The following IGSF10 variants were observed in gnomAD, a reference collection of about 807,000 sequenced individuals.
The protein encoded by IGSF10 is calvaria mechanical force protein 608.
In IGSF10, 126 loss-of-function variants were observed where a neutral mutation model predicts 128.2. The ratio of observed to expected loss-of-function variants is 0.98; its 90% CI spans 0.85 to 1.14. The LOEUF is 1.14. IGSF10 is among the 50% of genes most tolerant of loss of function. IGSF10 has a pLI of 0.00. For missense variants in IGSF10, 3,295 were observed against 3,149.8 expected (o/e 1.05, Z -1.10); for synonymous variants, 1,185 against 1,146.2 (o/e 1.03, Z -0.68).
the IGSF10 span, among the ~76,000 whole-genome samples, chr3:151,533,269 C>G: frequency 6.6e-6 from 1 of 152,208 alleles, no homozygotes; most frequent in African/African-American, 2.4e-5. Flanking sequence ...CTATCCCCAT[C>G]AAGCTACCAC....
the IGSF10 span, among the ~76,000 whole-genome samples, chr3:151,592,893 G>A: frequency 6.6e-6 from 1 of 151,930 alleles, no homozygotes; most frequent in African/African-American, 2.4e-5. Flanking sequence ...TAATGTTTGG[G>A]TATTGCAATA....
chr3:151,452,147 C>T (rs1471467974), intron 5 of IGSF10, among the ~76,000 whole-genome samples: 4 of 152,204 alleles, frequency 2.6e-5, no homozygotes, highest in Non-Finnish European at 5.9e-5. Context: ...AAAAGGATAA[C>T]ACTTGATTAT....
the IGSF10 span, among the ~76,000 whole-genome samples, chr3:151,578,467 G>A: frequency 4.2e-4 from 64 of 152,284 alleles, no homozygotes; most frequent in Non-Finnish European, 1.0e-4. Flanking sequence ...ATAGTTTACT[G>A]ACTTCTAACA....
the IGSF10 span, among the ~76,000 whole-genome samples, chr3:151,467,799 G>A: frequency 6.6e-6 from 1 of 151,726 alleles, no homozygotes; most frequent in Non-Finnish European, 1.5e-5. Flanking sequence ...CAGGAGAATG[G>A]CGTGAACCCC....
the IGSF10 span, among the ~76,000 whole-genome samples, chr3:151,617,260 C>CTTCTTCT: frequency 3.1e-3 from 171 of 55,644 alleles, 1 homozygote; most frequent in African/African-American, 3.2e-3. Context: ...TCTTCTCCTT[C>CTTCTTCT]TCTTCTTCTT....
At chr3:151,544,785 C>T in the IGSF10 span, among the ~76,000 whole-genome samples, 1 of 151,230 alleles carries the variant, frequency 6.6e-6, no homozygotes, top group Non-Finnish European at 1.5e-5. Flanking sequence ...ATAGGCCCTT[C>T]AATCTGAAGA....
chr3:151,443,496 A>C lies in IGSF10; in HGVS notation c.5451T>G (p.Phe1817Leu). Reference protein sequence around the residue: ...LHNLSIYDRGFYKCVASNPGG... With the variant: ...LHNLSIYDRGLYKCVASNPGG... ...CTGGGTTGCTGGCCACACATTTGTA[A>C]AAGCCACGGTCATAAATACTGAGAT... Residue 1817 changes from phenylalanine to leucine, a missense_variant, in exon 7 of 8, where the codon TTT becomes TTG. Physicochemically the swap from Phe to Leu is conservative, Grantham distance 22. Transcript: ENST00000282466. The C allele has an allele frequency of 6.2e-7, 1 of 1,614,192 alleles. No homozygotes were observed. Among genetic ancestry groups the C allele is most frequent in the Non-Finnish European group, 8.5e-7 (1 of 1,180,032 alleles).
the IGSF10 span, among the ~76,000 whole-genome samples, chr3:151,513,008 G>C: frequency 6.6e-6 from 1 of 152,138 alleles, no homozygotes; most frequent in Admixed American, 6.5e-5. Flanking sequence ...GGACCAGATG[G>C]ATTAACAGCC....
chr3:151,602,409 C>T, the IGSF10 span, among the ~76,000 whole-genome samples: 1 of 152,130 alleles, frequency 6.6e-6, no homozygotes, highest in Non-Finnish European at 1.5e-5. Context: ...TTTTCCTTGG[C>T]AAATTATTAT....
the IGSF10 span, among the ~76,000 whole-genome samples, chr3:151,513,158 CA>C: frequency 1.5e-4 from 22 of 151,320 alleles, 1 homozygote; most frequent in South Asian, 8.3e-4. Context: ...AGAGACACAA[CA>C]AAAAAAAGAG....
the IGSF10 span, among the ~76,000 whole-genome samples, chr3:151,558,609 A>T: frequency 6.6e-6 from 1 of 151,640 alleles, no homozygotes; most frequent in Admixed American, 6.6e-5. Flanking sequence ...AGCCTCCCAG[A>T]TTCAAGTGAT....
the IGSF10 span, among the ~76,000 whole-genome samples, chr3:151,556,978 T>A: frequency 6.6e-6 from 1 of 152,110 alleles, no homozygotes; most frequent in Admixed American, 6.6e-5. Flanking sequence ...GTGAGGAAAA[T>A]GTTTATTTGT....
chr3:151,538,811 G>A, the IGSF10 span, among the ~76,000 whole-genome samples: 1 of 152,170 alleles, frequency 6.6e-6, no homozygotes, highest in African/African-American at 2.4e-5. Flanking sequence ...AAGAATGTAA[G>A]TTAAATCTTG....
chr3:151,484,463 GCCT>G, the IGSF10 span, among the ~76,000 whole-genome samples: 1 of 152,188 alleles, frequency 6.6e-6, no homozygotes, highest in Non-Finnish European at 1.5e-5. Flanking sequence ...GAGACAGACT[GCCT>G]CCTCAAGTGG....
chr3:151,535,343 C>T, the IGSF10 span, among the ~76,000 whole-genome samples: 2 of 152,066 alleles, frequency 1.3e-5, no homozygotes, highest in African/African-American at 2.4e-5. Context: ...TTATCCTAGG[C>T]GAATTAATGC....
chr3:151,454,961 G>A (rs1577676269), intron 4 of IGSF10, among the ~76,000 whole-genome samples: 3 of 152,160 alleles, frequency 2.0e-5, no homozygotes, highest in East Asian at 3.9e-4. Context: ...AGCTGAGATT[G>A]CACCACCGCA....
the IGSF10 span, among the ~76,000 whole-genome samples, chr3:151,518,273 G>A: frequency 0.014 from 2,160 of 152,068 alleles, 19 homozygotes; most frequent in Middle Eastern, 0.027. Context: ...AACCAATCTG[G>A]TTATTTCTGT....
chr3:151,566,310 G>A, the IGSF10 span, among the ~76,000 whole-genome samples: 6 of 151,872 alleles, frequency 4.0e-5, no homozygotes, highest in African/African-American at 1.5e-4. Context: ...TAGTGCATAA[G>A]GTCTCCTCTG....
the IGSF10 span, among the ~76,000 whole-genome samples, chr3:151,595,278 G>A: frequency 0.74 from 112,627 of 151,638 alleles, 42,220 homozygotes; most frequent in African/African-American, 0.84. Context: ...ATATACCCAA[G>A]GGAAATGAAA....
Sources: allele counts gnomAD v4.1 joint callset (sites outside exome capture counted in the v4.1 genomes callset), GRCh38; gene constraint gnomAD v4.1.1; transcripts MANE v1.5; gene names NCBI Gene and HGNC (gene_info 2026-07-23, HGNC 2026-07-21).